The following GET4 variants were observed in gnomAD, a reference collection of about 807,000 sequenced individuals.
The protein encoded by GET4 is guided entry of tail-anchored proteins factor 4, also known as Golgi to ER traffic protein 4 homolog.
In GET4, 20 loss-of-function variants were observed where a neutral mutation model predicts 40.0. The observed-to-expected ratio is 0.50, with a 90% CI of 0.35 to 0.73. The LOEUF is 0.73. GET4 is among the 30% of genes least tolerant of loss of function. GET4 has a pLI of 0.01. For synonymous variants in GET4, 280 were observed against 194.6 expected (o/e 1.44, Z -3.65); for missense variants, 557 against 454.0 (o/e 1.23, Z -2.06).
chr7:884,281 T>G (rs1251641680), intron 1 of GET4: 9 of 1,304,154 alleles, frequency 6.9e-6, no homozygotes, highest in Non-Finnish European at 9.1e-6. Context: ...CAGAGTGCCC[T>G]GTGCCAGACG....
intron 3 of GET4, 21 bp from the exon 4 acceptor site, chr7:887,349 G>C: frequency 6.4e-7 from 1 of 1,572,360 alleles, no homozygotes; most frequent in Non-Finnish European, 8.7e-7. Flanking sequence ...TTCCTCTGAT[G>C]AGGGTCTGTG....
chr7:889,013 T>A (rs1844252960), intron 4 of GET4, among the ~76,000 whole-genome samples: 1 of 152,244 alleles, frequency 6.6e-6, no homozygotes, highest in African/African-American at 2.4e-5. Context: ...GGACAGGTGA[T>A]GCCCATGCCC....
At position 893,965 on chromosome 7, in the gene GET4, C is replaced by T; in HGVS notation, c.889C>T (p.Leu297=). ...CAAGCAGACGTCTTCCTACGGGGGCCTGCTCGGTAAGCCGGGGCGCCCTTG... is the reference window on the plus strand; with the variant it reads ...CAAGCAGACGTCTTCCTACGGGGGCTTGCTCGGTAAGCCGGGGCGCCCTTG... ...PPKQTSSYGG[L]LGNLLTSLMG... is the part of the protein sequence containing the mutation. The change falls in exon 8 of 9, where the codon CTG becomes TTG. Residue 297 remains leucine (L), a synonymous_variant. Transcript: ENST00000265857. 1 of 1,595,472 alleles carries T rather than the reference C, an allele frequency of 6.3e-7. No homozygotes were observed. The highest frequency in any genetic ancestry group is 8.6e-7 in the Non-Finnish European group (1 of 1,169,144).
At chr7:894,869 C>T (rs1438910059) in intron 8 of GET4, among the ~76,000 whole-genome samples, 2 of 152,226 alleles carry the variant, frequency 1.3e-5, no homozygotes, top group Non-Finnish European at 2.9e-5. Context: ...ACAGTGACCG[C>T]AGTTGGCCCC....
chr7:895,345 A>G lies in GET4; in HGVS notation c.907A>G (p.Thr303Ala), dbSNP rs770048388. The G allele has an allele frequency of 6.4e-7, 1 of 1,572,966 alleles. No individual in the cohort carries two copies. Among genetic ancestry groups the G allele is most frequent in the South Asian group, 1.1e-5 (1 of 89,242 alleles). ...GTTCTTCTTTCCAGGGAACCTTCTG[A>G]CCAGCCTCATGGGCTCCTCAGAGCA... ...SYGGLLGNLL[T>A]SLMGSSEQED... The change falls in exon 9 of 9, where the codon ACC (threonine) becomes GCC (alanine). Residue 303 changes from threonine to alanine, a missense_variant. Physicochemically the swap from Thr to Ala is moderately conservative, Grantham distance 58. Transcript: ENST00000265857.
intron 1 of GET4, chr7:881,426 G>A (rs1844084414): frequency 6.6e-6 from 1 of 150,792 alleles, no homozygotes; most frequent in East Asian, 2.0e-4. Flanking sequence ...TTACGTATGT[G>A]GAATCACAGT....
Position 893,801 on chromosome 7 carries a change from C to T in GET4, c.808C>T (p.Pro270Ser). Reference protein sequence around the residue: ...EQYQPSLRRDPMYNEYLDRIG... With the variant: ...EQYQPSLRRDSMYNEYLDRIG... ...GTACCAGCCATCCCTCCGGCGGGAC[C>T]CCATGTACAACGAGGTGAGAGCTTG... Residue 270 changes from proline to serine, a missense_variant, in exon 7 of 9, where the codon CCC becomes TCC. By Grantham distance (74) the Pro-to-Ser change is moderately conservative (BLOSUM62 -1). Transcript: ENST00000265857. 1 of 1,611,080 alleles carries T rather than the reference C, an allele frequency of 6.2e-7. No individual in the cohort carries two copies. Among genetic ancestry groups the T allele is most frequent in the Non-Finnish European group, 8.5e-7 (1 of 1,177,794 alleles).
At chr7:879,218 C>T (rs1238013749) in intron 1 of GET4, among the ~76,000 whole-genome samples, 5 of 152,266 alleles carry the variant, frequency 3.3e-5, no homozygotes, top group African/African-American at 1.2e-4. Flanking sequence ...TAAACACCGT[C>T]TGTCACGCCC....
At chr7:884,030 T>C in intron 1 of GET4, 1 of 1,155,490 alleles carries the variant, frequency 8.7e-7, no homozygotes, top group Non-Finnish European at 1.1e-6. Context: ...CCATCGGCAG[T>C]GCCCCCCAGA....
Position 876,743 on chromosome 7 carries a change from G to A in GET4, c.98G>A (p.Ser33Asn). 7.3e-7 allele frequency: 1 copy of A among 1,374,212 alleles called. No individual in the cohort carries two copies. The allele number at this position is 1,374,212 out of a possible 1,614,324, so 85.1% of individuals were successfully genotyped here. The change falls in exon 1 of 9, where the codon AGC becomes AAC. Residue 33 changes from serine (S) to asparagine (N), a missense_variant. Ser to Asn is a conservative substitution (Grantham distance 46, BLOSUM62 1). Coordinates refer to ENST00000265857, the MANE Select transcript of GET4 (RefSeq NM_015949.3). ...VQRVEGKLRA[S>N]VEKGDYYEAH... ...CGTGTGGAGGGCAAGCTGCGCGCCA[G>A]CGTCGAGAAGGGCGACTACTACGAG...
chr7:878,416 C>T (rs1349300829), intron 1 of GET4: 5 of 469,654 alleles, frequency 1.1e-5, no homozygotes, highest in East Asian at 6.9e-5. Context: ...GGAATTGGGT[C>T]TGTTTTAAAG....
At position 895,532 on chromosome 7, in the gene GET4, G is replaced by T. The variant is rs550351705; in HGVS notation, c.*110G>T. Reference sequence around the variant, plus strand: ...GGGGGCTCCTGGCCCTGAGGCTGGCGGTGGCCGCATGCCGGCGCGTGTCTG... The same window carrying T: ...GGGGGCTCCTGGCCCTGAGGCTGGCTGTGGCCGCATGCCGGCGCGTGTCTG... On this transcript the variant is annotated 3_prime_UTR_variant, in exon 9 of 9. Coordinates refer to ENST00000265857, the MANE Select transcript of GET4 (RefSeq NM_015949.3). 2.2e-4 allele frequency: 127 copies of T among 573,452 alleles called. No individual in the cohort carries two copies. In the African/African-American group the frequency reaches 2.2e-3, roughly 10 times the overall value. The allele number at this position is 573,452 out of a possible 1,614,324, so 35.5% of individuals were successfully genotyped here. A position where few individuals can be genotyped will look rare whatever the true frequency, so the allele number is the denominator to read the frequency against.
At chr7:882,550 C>G (rs964036564) in intron 1 of GET4, 1 of 152,754 alleles carries the variant, frequency 6.5e-6, no homozygotes, top group Non-Finnish European at 1.5e-5. Flanking sequence ...GGGGATGGCG[C>G]GGGTTGTGGG....
chr7:879,274 G>T (rs1315312218), intron 1 of GET4, among the ~76,000 whole-genome samples: 2 of 152,210 alleles, frequency 1.3e-5, no homozygotes, highest in African/African-American at 4.8e-5. Context: ...CTGGGTAAGC[G>T]AGTGGCCGGC....
intron 8 of GET4, among the ~76,000 whole-genome samples, chr7:894,545 C>T (rs956231949): frequency 5.9e-5 from 9 of 152,296 alleles, no homozygotes; most frequent in East Asian, 1.9e-4. Flanking sequence ...CTGTCCTCCC[C>T]GGATGCCCCC....
Position 896,235 on chromosome 7 carries a change from G to C in GET4, c.*813G>C, listed in dbSNP as rs781291959. 6.6e-6 allele frequency: 1 copy of C among 152,344 alleles called. No individual in the cohort carries two copies. Among genetic ancestry groups the C allele is most frequent in the African/African-American group, 2.4e-5 (1 of 41,566 alleles). The allele number at this position is 152,344 out of a possible 1,614,324, so 9.4% of individuals were successfully genotyped here. On this transcript the variant is annotated 3_prime_UTR_variant, in exon 9 of 9. Coordinates refer to ENST00000265857, the MANE Select transcript of GET4 (RefSeq NM_015949.3). ...AACCGGTCCAGGAGTGAGCAGCTCCGTTCTGTCAGATGCTACTCCAAATGT... is the reference window on the plus strand; with the variant it reads ...AACCGGTCCAGGAGTGAGCAGCTCCCTTCTGTCAGATGCTACTCCAAATGT...
At chr7:884,145 C>T in intron 1 of GET4, 1 of 1,271,782 alleles carries the variant, frequency 7.9e-7, no homozygotes, top group Non-Finnish European at 1.0e-6. Context: ...TAGAAGCATC[C>T]AGAACGCTGT....
At position 883,388 on chromosome 7, in the gene GET4, G is replaced by A. The variant is rs528507788; in HGVS notation, c.156-2668G>A. 8 of 421,774 alleles carry A rather than the reference G, an allele frequency of 1.9e-5. No homozygotes were observed. The East Asian group carries it at 1.1e-3, about 59-fold the overall frequency. 26.1% of individuals were successfully genotyped at this position (421,774 alleles called of 1,614,324 possible). On this transcript the variant is annotated intron_variant, in intron 1 of 8. Transcript: ENST00000265857. ...CTGCCAAGAGAGAAGGGCGGGATTC[G>A]CCCCATGAGCTCGGTCTTTCTTCAT... is the stretch of plus-strand genomic sequence containing the variant.
chr7:878,279 TC>T, intron 1 of GET4: 1 of 471,108 alleles, frequency 2.1e-6, no homozygotes, highest in Admixed American at 2.3e-5. Context: ...ACTGCTCTGT[TC>T]CAGTATTTTT....
Sources: gnomAD v4.1 joint callset for allele counts (sites outside exome capture counted in the v4.1 genomes callset) on GRCh38, gnomAD v4.1.1 for gene constraint, MANE v1.5 for transcripts, NCBI Gene and HGNC (gene_info 2026-07-23, HGNC 2026-07-21) for gene names.